FAM227B: variants seen among roughly 807,000 people sequenced by gnomAD.
The protein encoded by FAM227B is family with sequence similarity 227 member B.
In FAM227B, 88 loss-of-function variants were observed where a neutral mutation model predicts 73.8. The observed-to-expected ratio is 1.19, with a 90% CI of 1.00 to 1.42. The LOEUF (loss-of-function observed/expected upper bound fraction) is 1.42, where lower values mean the gene tolerates loss of function less well. FAM227B is among the 40% of genes most tolerant of loss of function. The pLI, the probability that FAM227B is intolerant of heterozygous loss-of-function variation, is 0.00. For synonymous variants in FAM227B, 210 were observed against 190.5 expected (o/e 1.10, Z -0.84); for missense variants, 632 against 590.9 (o/e 1.07, Z -0.72).
chr15:49,583,717 G>T (rs2075968047), intron 5 of FAM227B, among the ~76,000 whole-genome samples: 1 of 150,558 alleles, frequency 6.6e-6, no homozygotes, highest in Admixed American at 6.6e-5. Context: ...ACAACCATCG[G>T]AGAATACTAT....
chr15:49,556,224 T>C (rs890448641), intron 9 of FAM227B, among the ~76,000 whole-genome samples: 7 of 142,142 alleles, frequency 4.9e-5, no homozygotes, highest in African/African-American at 1.9e-4. Flanking sequence ...ATCTTTAAAG[T>C]TGCTTTCTTT....
intron 11 of FAM227B, among the ~76,000 whole-genome samples, chr15:49,387,950 G>A (rs920193927): frequency 7.3e-5 from 11 of 151,604 alleles, no homozygotes; most frequent in African/African-American, 2.7e-4. Context: ...CTACAAGGAG[G>A]ACTACAAGAC....
At chr15:49,576,891 T>G in intron 6 of FAM227B, 46 bp from the exon 7 acceptor site, 2 of 1,103,702 alleles carry the variant, frequency 1.8e-6, no homozygotes. Flanking sequence ...TTCACTCTTC[T>G]CACTATAGTA....
At chr15:49,500,813 T>C (rs1440680681) in intron 11 of FAM227B, among the ~76,000 whole-genome samples, 1 of 152,188 alleles carries the variant, frequency 6.6e-6, no homozygotes, top group Non-Finnish European at 1.5e-5. Context: ...CCCTCAAGAA[T>C]GGCTGGGGCC....
intron 11 of FAM227B, among the ~76,000 whole-genome samples, chr15:49,402,330 A>G (rs1235567507): frequency 6.6e-6 from 1 of 151,682 alleles, no homozygotes; most frequent in Non-Finnish European, 1.5e-5. Flanking sequence ...TAATTCTGTG[A>G]AGAATGTCAA....
intron 11 of FAM227B, among the ~76,000 whole-genome samples, chr15:49,453,852 T>G (rs541423290): frequency 1.6e-4 from 25 of 152,288 alleles, no homozygotes; most frequent in African/African-American, 5.8e-4. Context: ...TGCTCTTACC[T>G]TATACATTTT....
chr15:49,365,828 C>CCATGCTT, intron 13 of FAM227B: 1 of 876,198 alleles, frequency 1.1e-6, no homozygotes, highest in Non-Finnish European at 2.0e-6. Context: ...AGTCTCACTT[C>CCATGCTT]CATGCTTTTG....
chr15:49,434,293 T>C (rs528193673), intron 11 of FAM227B: 25 of 151,796 alleles, frequency 1.6e-4, no homozygotes, highest in African/African-American at 5.8e-4. Context: ...TGACTTTTTT[T>C]TTTAATTAAT....
chr15:49,423,079 A>G, intron 11 of FAM227B: 1 of 194,986 alleles, frequency 5.1e-6, no homozygotes, highest in Non-Finnish European at 1.1e-5. Context: ...TGTAGATTTA[A>G]GCATAAAACA....
intron 11 of FAM227B, among the ~76,000 whole-genome samples, chr15:49,464,796 A>G (rs1449138416): frequency 6.6e-6 from 1 of 152,224 alleles, no homozygotes; most frequent in Non-Finnish European, 1.5e-5. Context: ...GTGCATCTAC[A>G]TCTGGAAGAC....
chr15:49,615,335 C>G, intron 1 of FAM227B, 92 bp from the exon 2 acceptor site: 1 of 658,202 alleles, frequency 1.5e-6, no homozygotes. Context: ...CTGACTTTTA[C>G]CAAGTCAGAT....
chr15:49,388,524 T>C (rs1018342914), intron 11 of FAM227B, among the ~76,000 whole-genome samples: 1 of 151,988 alleles, frequency 6.6e-6, no homozygotes, highest in Non-Finnish European at 1.5e-5. Flanking sequence ...CCTGAAACTA[T>C]ACAAATTCTA....
Position 49,327,889 on chromosome 15 carries a change from C to T in FAM227B, c.*679G>A, listed in dbSNP as rs2037798606. On this transcript the variant is annotated 3_prime_UTR_variant, in exon 16 of 16. Coordinates refer to ENST00000299338, the MANE Select transcript of FAM227B (RefSeq NM_152647.3). The stretch of plus-strand genomic sequence containing the variant: ...TTAGATAGGCTATGTGTTCTACAAA[C>T]ACCAAGCAAATCCCTTGTATTTTCA... The T allele has an allele frequency of 1.2e-5, 18 of 1,511,526 alleles. No individual in the cohort carries two copies. The highest frequency in any genetic ancestry group is 1.9e-5 in the Admixed American group (1 of 53,036). The allele number at this position is 1,511,526 out of a possible 1,614,324, so 93.6% of individuals were successfully genotyped here.
intron 11 of FAM227B, among the ~76,000 whole-genome samples, chr15:49,472,092 C>T (rs1443589534): frequency 6.6e-6 from 1 of 150,832 alleles, no homozygotes; most frequent in African/African-American, 2.4e-5. Flanking sequence ...ACTTGTCTTT[C>T]TGGCTGTTAG....
chr15:49,422,231 ATACT>A (rs1350140895), intron 11 of FAM227B, among the ~76,000 whole-genome samples: 1 of 152,156 alleles, frequency 6.6e-6, no homozygotes, highest in Non-Finnish European at 1.5e-5. Flanking sequence ...TAATTTTAAT[ATACT>A]TTCTTAATAC....
At chr15:49,540,629 A>G (rs2070935469) in intron 10 of FAM227B, among the ~76,000 whole-genome samples, 1 of 152,162 alleles carries the variant, frequency 6.6e-6, no homozygotes. Flanking sequence ...AATGCCATTT[A>G]ACCTTAATTA....
intron 13 of FAM227B, among the ~76,000 whole-genome samples, chr15:49,363,073 T>C (rs544492952): frequency 6.6e-6 from 1 of 152,348 alleles, no homozygotes; most frequent in African/African-American, 2.4e-5. Context: ...TCCAGCTTTG[T>C]CCTTTTTGCT....
intron 11 of FAM227B, among the ~76,000 whole-genome samples, chr15:49,462,748 A>G (rs1310438616): frequency 2.0e-5 from 3 of 152,232 alleles, no homozygotes; most frequent in African/African-American, 7.2e-5. Flanking sequence ...ACTTTGAAAG[A>G]TAAGATATGA....
chr15:49,432,063 A>C (rs2151792087), intron 11 of FAM227B, among the ~76,000 whole-genome samples: 1 of 151,880 alleles, frequency 6.6e-6, no homozygotes, highest in African/African-American at 2.4e-5. Context: ...AATTATTCTG[A>C]AACTGAATTT....
Sources: gnomAD v4.1 joint callset for allele counts (sites outside exome capture counted in the v4.1 genomes callset) on GRCh38, gnomAD v4.1.1 for gene constraint, MANE v1.5 for transcripts, NCBI Gene and HGNC (gene_info 2026-07-23, HGNC 2026-07-21) for gene names.